Variants in LEPR observed in about 807,000 individuals in gnomAD.
LEPR encodes OB receptor.
Under a neutral mutation model 114.7 loss-of-function variants are expected in LEPR, and 56 were observed. The ratio of observed to expected loss-of-function variants is 0.49; its 90% CI spans 0.39 to 0.61. The LOEUF (loss-of-function observed/expected upper bound fraction) is 0.61, where lower values mean the gene tolerates loss of function less well. Ranked by LOEUF, LEPR falls within the 20% of genes least tolerant of loss-of-function variation. The pLI, the probability that LEPR is intolerant of heterozygous loss-of-function variation, is 0.00. For synonymous variants in LEPR, 443 were observed against 461.4 expected, an observed-to-expected ratio of 0.96 and a Z score of 0.51; for missense variants, 1,202 against 1,352.9, an observed-to-expected ratio of 0.89 and a Z score of 1.75.
At chr1:65,574,516 T>G (rs1021135450) in intron 5 of LEPR, among the ~76,000 whole-genome samples, 14 of 152,200 alleles carry the variant, frequency 9.2e-5, no homozygotes, top group African/African-American at 4.8e-5. Context: ...GAACTCAAGT[T>G]TGAAAATTCC....
chr1:65,488,943 C>T (rs1647722484), intron 2 of LEPR, among the ~76,000 whole-genome samples: 1 of 152,136 alleles, frequency 6.6e-6, no homozygotes, highest in African/African-American at 2.4e-5. Flanking sequence ...TTGCAAATGA[C>T]AGGATTTTGT....
chr1:65,606,200 G>A (rs1049412834), intron 11 of LEPR, among the ~76,000 whole-genome samples: 1 of 152,050 alleles, frequency 6.6e-6, no homozygotes, highest in Non-Finnish European at 1.5e-5. Context: ...AAGTCCCAAT[G>A]AATTCTCTCC....
At chr1:65,570,379 T>C in intron 3 of LEPR, 94 bp from the exon 4 acceptor site, 1 of 1,199,550 alleles carries the variant, frequency 8.3e-7, no homozygotes, top group Non-Finnish European at 1.2e-6. Flanking sequence ...TAAATAATTA[T>C]TGAGCACTAC....
intron 11 of LEPR, 125 bp from the exon 12 acceptor site, chr1:65,608,628 G>C: frequency 7.4e-6 from 8 of 1,082,234 alleles, no homozygotes; most frequent in Non-Finnish European, 1.1e-5. Context: ...ATGAGATAAT[G>C]AGTGAGAAAG....
chr1:65,575,033 A>G (rs1211520337), intron 5 of LEPR, among the ~76,000 whole-genome samples: 1 of 152,150 alleles, frequency 6.6e-6, no homozygotes, highest in Non-Finnish European at 1.5e-5. Context: ...CATATATCCA[A>G]GGCATACTAT....
intron 5 of LEPR, 135 bp from the exon 6 acceptor site, chr1:65,592,522 T>TTG: frequency 2.4e-6 from 1 of 416,792 alleles, no homozygotes; most frequent in Non-Finnish European, 3.6e-6. Flanking sequence ...TAATGTAGGG[T>TTG]TTTTTTTTTT....
chr1:65,546,002 A>T (rs2100687492), intron 2 of LEPR, among the ~76,000 whole-genome samples: 1 of 151,560 alleles, frequency 6.6e-6, no homozygotes, highest in East Asian at 1.9e-4. Flanking sequence ...TAAGGAAGGG[A>T]TCCAGTTTCA....
chr1:65,511,018 AAAAAC>A (rs987418705), intron 2 of LEPR, among the ~76,000 whole-genome samples: 20 of 152,286 alleles, frequency 1.3e-4, no homozygotes, highest in Non-Finnish European at 2.1e-4. Flanking sequence ...GTCTCACAAA[AAAAAC>A]AAAACAAAAC....
In LEPR at chr1:65,434,711, T is replaced by C. The variant is rs1646534980; in HGVS notation, c.-21+9333T>C. 7.1e-6 allele frequency: 7 copies of C among 985,318 alleles called. No individual in the cohort carries two copies. The South Asian group carries it at 3.3e-4, about 46-fold the overall frequency. 61.0% of individuals were successfully genotyped at this position (985,318 alleles called of 1,614,324 possible). The stretch of plus-strand genomic sequence containing the variant: ...TTTAATTTTTCCACTCATTTTCACC[T>C]CCTAATGCCCTTGAGATCCAGGTAC... On this transcript the variant is annotated intron_variant, in intron 2 of 19. Transcript: ENST00000349533.
intron 2 of LEPR, chr1:65,429,914 C>T (rs777957439): frequency 6.5e-7 from 1 of 1,547,262 alleles, no homozygotes; most frequent in Non-Finnish European, 8.8e-7. Context: ...CCCCATCCCC[C>T]ATTTCATTGC....
In LEPR at chr1:65,601,506, T is replaced by C; in HGVS notation, c.1109T>C (p.Met370Thr). ...IVPSKEIVWW[M>T]NLAEKIPQSQ... The stretch of plus-strand genomic sequence containing the variant: ...CCCTCAAAAGAGATTGTTTGGTGGA[T>C]GAATTTAGCTGAGAAAATTCCTCAA... Residue 370 changes from methionine to threonine, a missense_variant, in exon 9 of 20, where the codon ATG becomes ACG. By Grantham distance (81) the Met-to-Thr change is moderately conservative. Transcript: ENST00000349533. 1 of 1,613,786 alleles carries C rather than the reference T, an allele frequency of 6.2e-7. No individual in the cohort carries two copies.
At chr1:65,429,995 G>A in intron 2 of LEPR, 1 of 1,572,172 alleles carries the variant, frequency 6.4e-7, no homozygotes, top group Non-Finnish European at 8.7e-7. Flanking sequence ...CTTCACTACT[G>A]GAATTGTTGT....
At chr1:65,553,287 C>T (rs1203570711) in intron 2 of LEPR, among the ~76,000 whole-genome samples, 1 of 152,202 alleles carries the variant, frequency 6.6e-6, no homozygotes, top group East Asian at 1.9e-4. Context: ...GGAAGTTCTC[C>T]TGGATAATAT....
intron 5 of LEPR, among the ~76,000 whole-genome samples, chr1:65,583,335 A>G (rs1655113819): frequency 6.6e-6 from 1 of 152,194 alleles, no homozygotes; most frequent in South Asian, 2.1e-4. Context: ...CAATCTGGCC[A>G]CAATGTTGGG....
intron 19 of LEPR, among the ~76,000 whole-genome samples, chr1:65,624,611 T>TA (rs1198693294): frequency 3.9e-5 from 6 of 152,180 alleles, no homozygotes; most frequent in African/African-American, 1.4e-4. Context: ...TAGATACAGA[T>TA]ATGCAAGACC....
At chr1:65,462,540 G>A (rs906055182) in intron 2 of LEPR, among the ~76,000 whole-genome samples, 2 of 152,162 alleles carry the variant, frequency 1.3e-5, no homozygotes, top group African/African-American at 2.4e-5. Context: ...GGGTCAAATG[G>A]TATTTCTAGT....
In LEPR at chr1:65,570,486, G is replaced by T. The variant is rs755482802; in HGVS notation, c.54G>T (p.Val18=). 6.2e-7 allele frequency: 1 copy of T among 1,613,406 alleles called. No individual in the cohort carries two copies. Among genetic ancestry groups the T allele is most frequent in the South Asian group, 1.1e-5 (1 of 90,962 alleles). The change falls in exon 4 of 20, where the codon GTG becomes GTT. Residue 18 remains valine, a synonymous_variant. Coordinates refer to ENST00000349533, the MANE Select transcript of LEPR (RefSeq NM_002303.6). ...VVLLHWEFIY[V]ITAFNLSYPI... Reference sequence around the variant, plus strand: ...ATATCCTAACAGAATTTATTTATGTGATAACTGCGTTTAACTTGTCATATC... The same window carrying T: ...ATATCCTAACAGAATTTATTTATGTTATAACTGCGTTTAACTTGTCATATC...
At chr1:65,592,907 A>C (rs938789821) in intron 6 of LEPR, 42 bp downstream of exon 6, 41 of 1,602,954 alleles carry the variant, frequency 2.6e-5, no homozygotes, top group Non-Finnish European at 3.5e-5. Flanking sequence ...TCTAAACATC[A>C]GTCATATATA....
chr1:65,519,011 TTC>T (rs150252469), intron 2 of LEPR, among the ~76,000 whole-genome samples: 47,394 of 147,698 alleles, frequency 0.32, 9,923 homozygotes, highest in Non-Finnish European at 0.47. Flanking sequence ...TCTTCTTTCT[TTC>T]TCTTTCTTTC....
Sources: allele counts gnomAD v4.1 joint callset (sites outside exome capture counted in the v4.1 genomes callset), GRCh38; gene constraint gnomAD v4.1.1; transcripts MANE v1.5; gene names NCBI Gene and HGNC (gene_info 2026-07-23, HGNC 2026-07-21).